GRID2: variants seen among roughly 807,000 people sequenced by gnomAD.
GRID2 encodes the protein glutamate receptor ionotropic, delta-2.
GRID2 carries 33 observed loss-of-function variants against 114.8 expected under a neutral mutation model. The observed-to-expected ratio is 0.29, with a 90% confidence interval of 0.22 to 0.38. The LOEUF (loss-of-function observed/expected upper bound fraction) is 0.38, where lower values mean the gene tolerates loss of function less well. Among genes scored for constraint, GRID2 ranks in the 10% least tolerant of loss-of-function variants. GRID2 has a pLI of 1.00. For synonymous variants in GRID2, 505 were observed against 449.9 expected (o/e 1.12, Z -1.55); for missense variants, 1,184 against 1,257.7 (o/e 0.94, Z 0.89).
intron 10 of GRID2, among the ~76,000 whole-genome samples, chr4:93,442,849 G>A (rs1721747967): frequency 6.6e-6 from 1 of 151,928 alleles, no homozygotes; most frequent in Non-Finnish European, 1.5e-5. Flanking sequence ...CAAACATTAA[G>A]TGTTCAAAAC....
chr4:93,587,917 A>T (rs1248942325), intron 13 of GRID2, among the ~76,000 whole-genome samples: 2 of 152,132 alleles, frequency 1.3e-5, no homozygotes, highest in African/African-American at 4.8e-5. Context: ...AAAAGCGGTT[A>T]TCAGATAATC....
intron 13 of GRID2, among the ~76,000 whole-genome samples, chr4:93,543,727 AGAGAGAG>A (rs1238991807): frequency 2.6e-5 from 4 of 151,644 alleles, no homozygotes; most frequent in Non-Finnish European, 4.4e-5. Flanking sequence ...AGAGAGAGAG[AGAGAGAG>A]AGAGAGAGAG....
At chr4:93,051,887 T>C (rs1415411086) in intron 2 of GRID2, among the ~76,000 whole-genome samples, 6 of 152,076 alleles carry the variant, frequency 3.9e-5, no homozygotes, top group Admixed American at 6.6e-5. Flanking sequence ...CAGTTTTTTT[T>C]TCTATCTCAT....
At chr4:92,420,083 C>T (rs759469687) in intron 1 of GRID2, among the ~76,000 whole-genome samples, 47 of 151,994 alleles carry the variant, frequency 3.1e-4, no homozygotes, top group Non-Finnish European at 6.0e-4. Flanking sequence ...GGGATTTTAG[C>T]ACTTCTTTTA....
chr4:93,575,538 G>T (rs552400102), intron 13 of GRID2, among the ~76,000 whole-genome samples: 34 of 152,082 alleles, frequency 2.2e-4, no homozygotes, highest in Non-Finnish European at 4.4e-4. Context: ...CCCTGAGCAA[G>T]TATTTGACCT....
At chr4:93,643,829 G>A (rs1721838148) in intron 14 of GRID2, among the ~76,000 whole-genome samples, 1 of 70,656 alleles carries the variant, frequency 1.4e-5, no homozygotes, top group South Asian at 5.0e-4. Context: ...CTTGAGCTGT[G>A]GTGGGCTCCA....
At chr4:92,943,788 C>T (rs1054670182) in intron 2 of GRID2, among the ~76,000 whole-genome samples, 5 of 152,154 alleles carry the variant, frequency 3.3e-5, no homozygotes, top group South Asian at 2.1e-4. Flanking sequence ...TGTTAGTGTT[C>T]CTTCTAACAG....
At chr4:93,769,168 A>G (rs769927286) in intron 14 of GRID2, 42 bp from the exon 15 acceptor site, 1 of 1,606,016 alleles carries the variant, frequency 6.2e-7, no homozygotes, top group South Asian at 1.1e-5. Context: ...CAGGGCGATA[A>G]CTATGTCTGT....
At chr4:93,806,014 T>C (rs1235958673) in intron 1 of GRID2, among the ~76,000 whole-genome samples, 1 of 152,068 alleles carries the variant, frequency 6.6e-6, no homozygotes, top group African/African-American at 2.4e-5. Context: ...TAAGAATTGC[T>C]TGAATCCCAG....
Position 92,368,118 on chromosome 4 carries a change from G to A in GRID2, c.88+63374G>A, listed in dbSNP as rs1179663269. ...CTTGGGTAACTTTAGGCCCAAGTAT[G>A]GGTGCGGGTCTCAGAGTATGGGTAA... On this transcript the variant is annotated intron_variant, in intron 1 of 15. Transcript: ENST00000282020. 8.5e-5 allele frequency among the ~76,000 whole-genome samples: 13 copies of A among 152,098 alleles called. 1 individual carries two copies. The highest frequency in any genetic ancestry group is 7.9e-4 in the Admixed American group (12 of 15,236).
intron 8 of GRID2, among the ~76,000 whole-genome samples, chr4:93,347,490 G>A (rs1295883717): frequency 6.6e-6 from 1 of 151,954 alleles, no homozygotes; most frequent in Admixed American, 6.6e-5. Context: ...TTTAGACTTG[G>A]AGAAAAAGCA....
At position 93,714,794 on chromosome 4, in the gene GRID2, A is replaced by G. The variant is rs143127524; in HGVS notation, c.2361-54416A>G. ...ATGGAGTTGTTGGTATTTCTCTTAT[A>G]AATGTGTTTAAGTTCCTTGTAGACT... is the stretch of plus-strand genomic sequence containing the variant. On this transcript the variant is annotated intron_variant, in intron 14 of 15. Coordinates refer to ENST00000282020, the MANE Select transcript of GRID2 (RefSeq NM_001510.4). 9.7e-3 allele frequency among the ~76,000 whole-genome samples: 1,474 copies of G among 152,126 alleles called. 50 individuals are homozygous for G. The highest frequency in any genetic ancestry group is 0.052 in the Admixed American group (796 of 15,274).
chr4:92,438,821 C>A (rs1038774722), intron 1 of GRID2, among the ~76,000 whole-genome samples: 2 of 152,130 alleles, frequency 1.3e-5, no homozygotes, highest in African/African-American at 2.4e-5. Context: ...ATTCTTTTAC[C>A]AATGTCCCCT....
At chr4:92,572,475 A>T (rs542406467) in intron 1 of GRID2, among the ~76,000 whole-genome samples, 62 of 152,314 alleles carry the variant, frequency 4.1e-4, no homozygotes, top group African/African-American at 1.4e-3. Context: ...AGCTGGTACC[A>T]TTCCTTCTGA....
chr4:92,945,079 A>T (rs971774836), intron 2 of GRID2, among the ~76,000 whole-genome samples: 9 of 152,122 alleles, frequency 5.9e-5, no homozygotes, highest in Admixed American at 3.3e-4. Context: ...CTAAGTTTGA[A>T]ATTAGATTTT....
At chr4:93,682,978 C>G (rs1304712676) in intron 14 of GRID2, among the ~76,000 whole-genome samples, 1 of 150,376 alleles carries the variant, frequency 6.6e-6, no homozygotes, top group Non-Finnish European at 1.5e-5. Flanking sequence ...GTATCTGTTT[C>G]AGAAGAAAAA....
intron 10 of GRID2, among the ~76,000 whole-genome samples, chr4:93,424,804 T>C (rs1768678412): frequency 6.6e-6 from 1 of 152,144 alleles, no homozygotes; most frequent in African/African-American, 2.4e-5. Flanking sequence ...AATATTCAAG[T>C]TAGATCACTT....
chr4:93,212,776 T>TG (rs1053523067), intron 5 of GRID2, among the ~76,000 whole-genome samples: 11 of 150,758 alleles, frequency 7.3e-5, no homozygotes, highest in African/African-American at 1.5e-4. Flanking sequence ...TTTTTGTTGT[T>TG]TTTTTTTTCT....
chr4:93,206,591 TAC>T (rs5860312), intron 4 of GRID2, among the ~76,000 whole-genome samples: 7,618 of 142,858 alleles, frequency 0.053, 499 homozygotes, highest in African/African-American at 0.16. Flanking sequence ...CTGCCCCTAC[TAC>T]ACACACACAC....
Sources: gnomAD v4.1 joint callset for allele counts (sites outside exome capture counted in the v4.1 genomes callset) on GRCh38, gnomAD v4.1.1 for gene constraint, MANE v1.5 for transcripts, NCBI Gene and HGNC (gene_info 2026-07-23, HGNC 2026-07-21) for gene names.